The following HK1 variants were observed in gnomAD, a reference collection of about 807,000 sequenced individuals.
The protein encoded by HK1 is hexokinase 1.
A neutral mutation model predicts 91.6 loss-of-function variants in HK1; 28 were observed. The observed-to-expected ratio is 0.31, with a 90% CI of 0.23 to 0.42. The LOEUF (loss-of-function observed/expected upper bound fraction) is 0.42. Ranked by LOEUF, HK1 falls within the 10% of genes least tolerant of loss-of-function variation. The pLI, the probability that HK1 is intolerant of heterozygous loss-of-function variation, is 1.00. For missense variants in HK1, 770 were observed against 1,219.8 expected (o/e 0.63, Z 5.49); for synonymous variants, 430 against 468.1 (o/e 0.92, Z 1.05).
intron 12 of HK1, among the ~76,000 whole-genome samples, chr10:69,385,523 A>G (rs942600655): frequency 3.9e-5 from 6 of 152,206 alleles, no homozygotes; most frequent in African/African-American, 1.4e-4. Context: ...GATTCTGGGC[A>G]GAAGGAACCA....
intron 1 of HK1, among the ~76,000 whole-genome samples, chr10:69,340,079 T>G (rs1456916193): frequency 1.3e-5 from 2 of 152,244 alleles, no homozygotes; most frequent in African/African-American, 4.8e-5. Context: ...GTCAAGCAAC[T>G]GGGTGAGTTC....
intron 1 of HK1, among the ~76,000 whole-genome samples, chr10:69,322,541 G>T (rs917966654): frequency 2.6e-5 from 4 of 152,048 alleles, no homozygotes; most frequent in Non-Finnish European, 5.9e-5. Flanking sequence ...GGTTGCCCAA[G>T]GTACATTCCT....
chr10:69,365,347 C>G (rs1849646413), intron 4 of HK1, among the ~76,000 whole-genome samples: 1 of 151,798 alleles, frequency 6.6e-6, no homozygotes, highest in South Asian at 2.1e-4. Flanking sequence ...GGCTCCAGCC[C>G]CAGGGATGCC....
intron 1 of HK1, among the ~76,000 whole-genome samples, chr10:69,329,694 C>G (rs112854934): frequency 8.5e-5 from 13 of 152,250 alleles, no homozygotes; most frequent in Non-Finnish European, 1.9e-4. Flanking sequence ...ACCATTACAC[C>G]CAACTCTCAT....
At position 69,333,737 on chromosome 10, in the gene HK1, A is replaced by G. The variant is rs116499372; in HGVS notation, c.64-10090A>G. On this transcript the variant is annotated intron_variant, in intron 1 of 17. Coordinates refer to ENST00000359426, the MANE Select transcript of HK1 (RefSeq NM_000188.3). ...ATAACAGCTACCTTACACATTGTGCAGATTTGGATGGAGGAGCTTAGAGCA... is the reference window on the plus strand; with the variant it reads ...ATAACAGCTACCTTACACATTGTGCGGATTTGGATGGAGGAGCTTAGAGCA... 2.9e-3 allele frequency among the ~76,000 whole-genome samples: 443 copies of G among 152,256 alleles called. 1 individual carries two copies. Among genetic ancestry groups the G allele is most frequent in the African/African-American group, 0.01 (424 of 41,544 alleles).
At chr10:69,334,807 G>A (rs957983689) in intron 1 of HK1, among the ~76,000 whole-genome samples, 10 of 152,184 alleles carry the variant, frequency 6.6e-5, no homozygotes, top group Admixed American at 6.5e-5. Flanking sequence ...CACACACCAC[G>A]AAGTGTCTCC....
At chr10:69,397,385 A>G (rs1321880942) in intron 16 of HK1, among the ~76,000 whole-genome samples, 5 of 152,240 alleles carry the variant, frequency 3.3e-5, no homozygotes, top group Non-Finnish European at 7.3e-5. Flanking sequence ...CAAGCATAAT[A>G]GCAAAGAAAG....
upstream of HK1, chr10:69,315,998 A>G (rs746711592): frequency 6.2e-7 from 1 of 1,614,136 alleles, no homozygotes; most frequent in Non-Finnish European, 8.5e-7. Flanking sequence ...CGAGGTGCTG[A>G]GGCCTGGGAG....
At chr10:69,281,549 C>T (rs747832090) in intron 1 of HK1, among the ~76,000 whole-genome samples, 30 of 152,132 alleles carry the variant, frequency 2.0e-4, no homozygotes, top group Non-Finnish European at 7.4e-5. Context: ...TATAGGAAGC[C>T]GTTCATGAAC....
intron 5 of HK1, chr10:69,300,932 G>T: frequency 1.2e-6 from 1 of 853,552 alleles, no homozygotes; most frequent in South Asian, 1.4e-5. Context: ...AAGGTTATAG[G>T]ATACAAGGTT....
At chr10:69,389,532 C>T (rs1422354308) in intron 14 of HK1, 2 of 536,772 alleles carry the variant, frequency 3.7e-6, no homozygotes, top group Admixed American at 2.6e-5. Flanking sequence ...TATGATCAGA[C>T]TGTCAAGAAC....
chr10:69,288,485 T>G (rs12780655), intron 2 of HK1, among the ~76,000 whole-genome samples: 26,846 of 152,150 alleles, frequency 0.18, 2,919 homozygotes, highest in Non-Finnish European at 0.23. Flanking sequence ...AGAGCAATAC[T>G]CTGCCTCAAA....
intron 1 of HK1, chr10:69,338,712 A>C (rs761027650): frequency 2.7e-5 from 33 of 1,244,010 alleles, no homozygotes; most frequent in Middle Eastern, 6.7e-4. Context: ...TGTGTGTGTA[A>C]GTACTTGTGT....
chr10:69,318,890 A>T lies in HK1; in HGVS notation c.-58A>T. Reference sequence around the variant, plus strand: ...AGCCGCCGGAGGACCACGGCTCGCCAGGGCTGCGGAGGACCGACCGTCCCC... The same window carrying T: ...AGCCGCCGGAGGACCACGGCTCGCCTGGGCTGCGGAGGACCGACCGTCCCC... On this transcript the variant is annotated 5_prime_UTR_variant, in exon 1 of 18. Coordinates refer to ENST00000359426, the MANE Select transcript of HK1 (RefSeq NM_000188.3). 2 of 1,531,000 alleles carry T rather than the reference A, an allele frequency of 1.3e-6. No homozygotes were observed. Among genetic ancestry groups the T allele is most frequent in the Non-Finnish European group, 1.8e-6 (2 of 1,139,252 alleles). The allele number at this position is 1,531,000 out of a possible 1,614,324, so 94.8% of individuals were successfully genotyped here. A position where few individuals can be genotyped will look rare whatever the true frequency, so the allele number is the denominator to read the frequency against.
At chr10:69,372,893 C>T (rs552053979) in intron 7 of HK1, among the ~76,000 whole-genome samples, 26 of 151,986 alleles carry the variant, frequency 1.7e-4, no homozygotes, top group Admixed American at 1.6e-3. Flanking sequence ...TTTTTTGAGA[C>T]AGTCTTGCTC....
intron 2 of HK1, among the ~76,000 whole-genome samples, chr10:69,349,214 C>G (rs959063687): frequency 6.6e-6 from 1 of 152,212 alleles, no homozygotes; most frequent in African/African-American, 2.4e-5. Flanking sequence ...AACACTGAAT[C>G]GGTCTCTGGG....
chr10:69,315,887 G>A, upstream of HK1: 1 of 1,508,210 alleles, frequency 6.6e-7, no homozygotes, highest in South Asian at 1.1e-5. Context: ...CCTGACACTG[G>A]GCAAGATGGC....
At chr10:69,374,621 T>A (rs1838986728) in intron 7 of HK1, among the ~76,000 whole-genome samples, 1 of 152,136 alleles carries the variant, frequency 6.6e-6, no homozygotes. Flanking sequence ...GAGAAGCTCG[T>A]GAGAGGTGCT....
In HK1 at chr10:69,350,314, C is replaced by T. The variant is rs375677548; in HGVS notation, c.226+6325C>T. ...AGGTGAAAAATGGGAGGGTAGTTAT[C>T]TAAAGAGATGCTGGACATCCAGGAA... On this transcript the variant is annotated intron_variant, in intron 2 of 17. Transcript: ENST00000359426. 3.9e-5 allele frequency among the ~76,000 whole-genome samples: 6 copies of T among 152,278 alleles called. No individual in the cohort carries two copies. In the East Asian group the frequency reaches 1.2e-3, roughly 29 times the overall value.
Sources: gnomAD v4.1 joint callset for allele counts (sites outside exome capture counted in the v4.1 genomes callset) on GRCh38, gnomAD v4.1.1 for gene constraint, MANE v1.5 for transcripts, NCBI Gene and HGNC (gene_info 2026-07-23, HGNC 2026-07-21) for gene names.